Variants in PDS5A observed in about 807,000 individuals in gnomAD.
PDS5A encodes PDS5 cohesin associated factor A, also known as sister chromatid cohesion protein PDS5 homolog A.
In PDS5A, 42 loss-of-function variants were observed where a neutral mutation model predicts 167.1. The ratio of observed to expected loss-of-function variants is 0.25; its 90% CI spans 0.20 to 0.33. PDS5A has a LOEUF of 0.33. Ranked by LOEUF, PDS5A falls within the 10% of genes least tolerant of loss-of-function variation. The probability of loss-of-function intolerance (pLI) is 1.00; values close to 1 mark genes in which losing one functional copy is unlikely to be tolerated. For synonymous variants in PDS5A, 553 were observed against 554.6 expected (o/e 1.00, Z 0.04); for missense variants, 1,033 against 1,605.9 (o/e 0.64, Z 6.10).
At chr4:39,922,884 C>A in intron 5 of PDS5A, 136 bp from the exon 6 acceptor site, 1 of 1,070,572 alleles carries the variant, frequency 9.3e-7, no homozygotes, top group Non-Finnish European at 1.2e-6. Context: ...GGGACAGTGC[C>A]AATAATGGCA....
intron 17 of PDS5A, among the ~76,000 whole-genome samples, chr4:39,889,942 T>C (rs565270587): frequency 6.6e-6 from 1 of 152,278 alleles, no homozygotes; most frequent in African/African-American, 2.4e-5. Context: ...AACTCAGAGG[T>C]TGGTCAACAG....
chr4:39,946,271 A>G (rs1441103144), intron 2 of PDS5A, among the ~76,000 whole-genome samples: 2 of 151,852 alleles, frequency 1.3e-5, no homozygotes, highest in African/African-American at 2.4e-5. Flanking sequence ...ACAAGCGTAC[A>G]TATGTGGGAA....
At chr4:39,929,928 T>C (rs1240813783) in intron 2 of PDS5A, among the ~76,000 whole-genome samples, 5 of 149,932 alleles carry the variant, frequency 3.3e-5, no homozygotes, top group African/African-American at 7.3e-5. Flanking sequence ...AAAAAAAAAT[T>C]TGGGGGGCCG....
At position 39,930,312 on chromosome 4, in the gene PDS5A, C is replaced by T. The variant is rs192013572; in HGVS notation, c.139-2148G>A. On this transcript the variant is annotated intron_variant, in intron 2 of 32. Coordinates refer to ENST00000303538, the MANE Select transcript of PDS5A (RefSeq NM_001100399.2). ...TTTGCCATGTTGCCCAGGCTGGTCT[C>T]GAACTCCTGGGCTCAAGCGACCTGC... 8.3e-3 allele frequency among the ~76,000 whole-genome samples: 1,117 copies of T among 134,338 alleles called. 31 individuals are homozygous for T. The South Asian group carries it at 0.11, about 13-fold the overall frequency. The allele number at this position is 134,338 out of a possible 152,430, so 88.1% of individuals were successfully genotyped here.
intron 2 of PDS5A, among the ~76,000 whole-genome samples, chr4:39,929,954 G>A (rs2109741495): frequency 6.6e-6 from 1 of 150,954 alleles, no homozygotes; most frequent in South Asian, 2.1e-4. Flanking sequence ...GGTGGCTCAT[G>A]CCTGTAATCC....
chr4:39,829,604 G>A (rs182766352), intron 32 of PDS5A, among the ~76,000 whole-genome samples: 76 of 149,184 alleles, frequency 5.1e-4, no homozygotes, highest in African/African-American at 1.4e-3. Flanking sequence ...CCAAGACTGC[G>A]CCACTACACT....
intron 2 of PDS5A, among the ~76,000 whole-genome samples, chr4:39,945,179 G>A (rs977437318): frequency 1.3e-5 from 2 of 151,964 alleles, no homozygotes; most frequent in African/African-American, 2.4e-5. Flanking sequence ...AAATGCAGGC[G>A]GCCGGGTGCA....
intron 12 of PDS5A, among the ~76,000 whole-genome samples, chr4:39,903,095 TC>T (rs1431399223): frequency 2.6e-5 from 4 of 152,202 alleles, no homozygotes; most frequent in African/African-American, 9.7e-5. Flanking sequence ...AAAAGCAAAT[TC>T]ATTAACGCAA....
At position 39,848,919 on chromosome 4, in the gene PDS5A, C is replaced by T; in HGVS notation, c.3271G>A (p.Ala1091Thr). Reference protein sequence around the residue: ...VALCVINSKSALCNADSPKDP... With the variant: ...VALCVINSKSTLCNADSPKDP... The stretch of plus-strand genomic sequence containing the variant: ...TTTGGTGAATCTGCATTGCACAAAG[C>T]ACTTTTACTATTTATAACACAGAGA... The change falls in exon 28 of 33, where the codon GCT (alanine) becomes ACT (threonine). Residue 1091 changes from alanine (A) to threonine (T), a missense_variant. This residue lies in a region of PDS5A where 367 missense variants were observed against 686.7 expected (regional missense o/e 0.53). Transcript: ENST00000303538. 2.5e-6 allele frequency: 4 copies of T among 1,604,620 alleles called. No individual in the cohort carries two copies. Among genetic ancestry groups the T allele is most frequent in the Non-Finnish European group, 3.4e-6 (4 of 1,173,068 alleles).
intron 31 of PDS5A, among the ~76,000 whole-genome samples, chr4:39,838,956 C>T (rs1199509967): frequency 6.6e-6 from 1 of 151,750 alleles, no homozygotes; most frequent in Non-Finnish European, 1.5e-5. Flanking sequence ...CCATTGTACT[C>T]CAGCCTGGGC....
intron 18 of PDS5A, among the ~76,000 whole-genome samples, chr4:39,879,286 C>G (rs1004979006): frequency 6.6e-6 from 1 of 152,112 alleles, no homozygotes; most frequent in African/African-American, 2.4e-5. Flanking sequence ...CAATCTGGAA[C>G]CAACCTTGTC....
At chr4:39,970,656 G>A (rs1206340848) in intron 2 of PDS5A, among the ~76,000 whole-genome samples, 2 of 151,792 alleles carry the variant, frequency 1.3e-5, no homozygotes, top group Non-Finnish European at 2.9e-5. Flanking sequence ...ACTGCCCTGT[G>A]ACTGATTTTG....
chr4:39,837,866 C>T lies in PDS5A; in HGVS notation c.4000G>A (p.Asp1334Asn). Residue 1334 changes from aspartate to asparagine, a missense_variant, in exon 32 of 33, where the codon GAC becomes AAC. Asp to Asn is a conservative substitution (Grantham distance 23). This residue lies in a region of PDS5A where 233 missense variants were observed against 264.0 expected (regional missense o/e 0.88). Transcript: ENST00000303538. Reference protein sequence around the residue: ...KKAAPAERQIDLQR With the variant: ...KKAAPAERQINLQR Reference sequence around the variant, plus strand: ...AATGGCGTACATTACCTTTGTAAGTCAATTTGTCTTTCTGCTGGTGCTGCC... The same window carrying T: ...AATGGCGTACATTACCTTTGTAAGTTAATTTGTCTTTCTGCTGGTGCTGCC... The T allele has an allele frequency of 6.2e-7, 1 of 1,607,802 alleles. No homozygotes were observed. The highest frequency in any genetic ancestry group is 8.5e-7 in the Non-Finnish European group (1 of 1,177,532).
At chr4:39,963,913 T>A (rs959117993) in intron 2 of PDS5A, among the ~76,000 whole-genome samples, 1 of 151,632 alleles carries the variant, frequency 6.6e-6, no homozygotes, top group Admixed American at 6.6e-5. Flanking sequence ...GAAATTAGCT[T>A]TTTTTTCCCC....
intron 32 of PDS5A, among the ~76,000 whole-genome samples, chr4:39,833,605 G>A (rs1018823158): frequency 3.9e-5 from 6 of 152,010 alleles, no homozygotes; most frequent in Non-Finnish European, 7.4e-5. Flanking sequence ...GCCCAGGCTG[G>A]TCTTAAACTC....
intron 21 of PDS5A, 36 bp downstream of exon 21, chr4:39,872,950 C>T (rs749386733): frequency 4.6e-6 from 6 of 1,294,758 alleles, no homozygotes; most frequent in African/African-American, 1.5e-5. Flanking sequence ...CAGCCTTAAT[C>T]TCATGATTCT....
At chr4:39,914,170 T>C (rs1329395402) in intron 8 of PDS5A, among the ~76,000 whole-genome samples, 2 of 150,794 alleles carry the variant, frequency 1.3e-5, no homozygotes, top group African/African-American at 4.9e-5. Flanking sequence ...TTGTTTTTTT[T>C]TTTTTTTTTT....
chr4:39,908,095 C>A (rs1723554815), intron 11 of PDS5A, among the ~76,000 whole-genome samples: 1 of 152,104 alleles, frequency 6.6e-6, no homozygotes, highest in Admixed American at 6.6e-5. Flanking sequence ...AATCACTATT[C>A]TTTTGAAACT....
intron 17 of PDS5A, among the ~76,000 whole-genome samples, chr4:39,884,021 T>G (rs1578665276): frequency 6.6e-6 from 1 of 151,376 alleles, no homozygotes; most frequent in South Asian, 2.1e-4. Context: ...CTCCGCCTCC[T>G]AGGTTCAAGT....
Sources: gnomAD v4.1 joint callset for allele counts (sites outside exome capture counted in the v4.1 genomes callset) on GRCh38, gnomAD v4.1.1 for gene constraint, gnomAD v4.1.1 regional missense constraint, MANE v1.5 for transcripts, NCBI Gene and HGNC (gene_info 2026-07-23, HGNC 2026-07-21) for gene names.